ZNRF1: variants seen among roughly 807,000 people sequenced by gnomAD.
ZNRF1 encodes zinc and ring finger 1, also known as E3 ubiquitin-protein ligase ZNRF1.
Under a neutral mutation model 18.4 loss-of-function variants are expected in ZNRF1, and 3 were observed. The ratio of observed to expected loss-of-function variants is 0.16; its 90% confidence interval spans 0.07 to 0.42. The LOEUF (loss-of-function observed/expected upper bound fraction) is 0.42. ZNRF1 is among the 10% of genes least tolerant of loss of function. ZNRF1 has a pLI of 0.99. For synonymous variants in ZNRF1, 157 were observed against 144.2 expected (o/e 1.09, Z -0.64); for missense variants, 310 against 329.8 (o/e 0.94, Z 0.47).
chr16:75,046,343 C>G (rs1224511946), intron 1 of ZNRF1, among the ~76,000 whole-genome samples: 1 of 152,062 alleles, frequency 6.6e-6, no homozygotes. Flanking sequence ...CCTCTGCCTC[C>G]TGGGTTCAAG....
chr16:75,090,396 T>C (rs966396409), intron 1 of ZNRF1, among the ~76,000 whole-genome samples: 1 of 152,210 alleles, frequency 6.6e-6, no homozygotes, highest in Non-Finnish European at 1.5e-5. Context: ...TGTGTCCTTT[T>C]TGTGGAGAAC....
chr16:75,034,852 C>T lies in ZNRF1; in HGVS notation c.424+34757C>T, dbSNP rs569108735. Among the ~76,000 whole-genome samples, 12 of 152,120 alleles carry T rather than the reference C, an allele frequency of 7.9e-5. No individual in the cohort carries two copies. The South Asian group carries it at 2.5e-3, about 32-fold the overall frequency. On this transcript the variant is annotated intron_variant, in intron 1 of 4. Coordinates refer to ENST00000335325, the MANE Select transcript of ZNRF1 (RefSeq NM_032268.5). ...ACGTTGCCCAGGCTGGTCTCAAACT[C>T]CTGGCCTCAAGTGATCCACCAGCCT...
chr16:75,001,226 C>T (rs1350693932), intron 1 of ZNRF1, among the ~76,000 whole-genome samples: 1 of 152,148 alleles, frequency 6.6e-6, no homozygotes, highest in Non-Finnish European at 1.5e-5. Context: ...TGTTGGATCA[C>T]TCTTTTAACT....
At chr16:75,027,441 TCTTAC>T (rs1247207252) in intron 1 of ZNRF1, among the ~76,000 whole-genome samples, 1 of 152,202 alleles carries the variant, frequency 6.6e-6, no homozygotes, top group African/African-American at 2.4e-5. Context: ...GAGTAGATTT[TCTTAC>T]CTTGTCAGCC....
intron 3 of ZNRF1, 174 bp downstream of exon 3, chr16:75,105,063 G>T: frequency 3.5e-6 from 2 of 570,484 alleles, no homozygotes; most frequent in Non-Finnish European, 6.3e-6. Context: ...GCGGGAAGGT[G>T]CGAGCATCCC....
At chr16:75,055,622 G>C (rs551545116) in intron 1 of ZNRF1, among the ~76,000 whole-genome samples, 3 of 152,290 alleles carry the variant, frequency 2.0e-5, no homozygotes, top group African/African-American at 7.2e-5. Flanking sequence ...CACACCAGCT[G>C]CCTGCCTGGA....
chr16:75,040,979 A>G (rs1196290885), intron 1 of ZNRF1, among the ~76,000 whole-genome samples: 1 of 152,056 alleles, frequency 6.6e-6, no homozygotes, highest in Non-Finnish European at 1.5e-5. Flanking sequence ...GGTAGTTTTT[A>G]TTGCTAAATA....
chr16:75,084,282 A>G (rs1021221916), intron 1 of ZNRF1: 1 of 152,290 alleles, frequency 6.6e-6, no homozygotes, highest in Non-Finnish European at 1.5e-5. Context: ...TTTGGTGAAC[A>G]GCATTGATGA....
chr16:75,090,910 T>G (rs764321291), intron 1 of ZNRF1, among the ~76,000 whole-genome samples: 3 of 152,174 alleles, frequency 2.0e-5, no homozygotes, highest in Non-Finnish European at 2.9e-5. Flanking sequence ...AAATAAAAAT[T>G]TAATTTTAAT....
intron 1 of ZNRF1, among the ~76,000 whole-genome samples, chr16:75,002,554 T>A (rs2034865009): frequency 6.6e-6 from 1 of 152,220 alleles, no homozygotes; most frequent in Admixed American, 6.5e-5. Context: ...GTTCAGTGTA[T>A]ACAAGGCCTT....
rs1238529323 is a variant in ZNRF1, at chr16:75,107,808, A to G, written c.*108A>G. 4.4e-6 allele frequency: 2 copies of G among 456,474 alleles called. No homozygotes were observed. The highest frequency in any genetic ancestry group is 2.3e-5 in the Admixed American group (1 of 42,566). The allele number at this position is 456,474 out of a possible 1,614,324, so 28.3% of individuals were successfully genotyped here. On this transcript the variant is annotated 3_prime_UTR_variant, in exon 5 of 5. Coordinates refer to ENST00000335325, the MANE Select transcript of ZNRF1 (RefSeq NM_032268.5). Reference sequence around the variant, plus strand: ...AGCTGAGCTTGGGACACCAGCGGGAACAGGGCACCCCTTCTGCACTGACTT... The same window carrying G: ...AGCTGAGCTTGGGACACCAGCGGGAGCAGGGCACCCCTTCTGCACTGACTT...
At chr16:75,058,491 CAG>C (rs1160785298) in intron 1 of ZNRF1, among the ~76,000 whole-genome samples, 1 of 152,164 alleles carries the variant, frequency 6.6e-6, no homozygotes, top group East Asian at 1.9e-4. Context: ...AGGAGAATAA[CAG>C]AGTAGCCAAG....
chr16:75,018,231 T>C (rs1457363644), intron 1 of ZNRF1, among the ~76,000 whole-genome samples: 1 of 152,224 alleles, frequency 6.6e-6, no homozygotes, highest in Non-Finnish European at 1.5e-5. Context: ...GGATACCCTA[T>C]AGTTTTGGTC....
chr16:75,025,660 C>T (rs540286961), intron 1 of ZNRF1, among the ~76,000 whole-genome samples: 69 of 152,206 alleles, frequency 4.5e-4, no homozygotes, highest in Non-Finnish European at 8.5e-4. Flanking sequence ...CTGCAGAGGA[C>T]ATTTCGTAAG....
At position 74,999,677 on chromosome 16, in the gene ZNRF1, G is replaced by A; in HGVS notation, c.6G>A (p.Gly2=). The change falls in exon 1 of 5, where the codon GGG becomes GGA. Residue 2 remains glycine (G), a synonymous_variant. Coordinates refer to ENST00000335325, the MANE Select transcript of ZNRF1 (RefSeq NM_032268.5). ...CCACCGGGGCCCGGGCGAGCATGGG[G>A]GGCAAGCAGAGCACGGCGGCCCGCT... M[G]GKQSTAARSR... is the part of the protein sequence containing the mutation. The A allele has an allele frequency of 3.7e-6, 5 of 1,347,006 alleles. No individual in the cohort carries two copies. Among genetic ancestry groups the A allele is most frequent in the African/African-American group, 1.5e-5 (1 of 64,894 alleles). The allele number at this position is 1,347,006 out of a possible 1,614,324, so 83.4% of individuals were successfully genotyped here.
intron 1 of ZNRF1, among the ~76,000 whole-genome samples, chr16:75,027,910 C>T (rs1033768974): frequency 6.6e-6 from 1 of 152,180 alleles, no homozygotes; most frequent in Non-Finnish European, 1.5e-5. Flanking sequence ...ATACTTTCTC[C>T]TCTCTTTTAA....
intron 1 of ZNRF1, among the ~76,000 whole-genome samples, chr16:75,064,401 C>G (rs372043112): frequency 6.6e-6 from 1 of 151,616 alleles, no homozygotes; most frequent in African/African-American, 2.4e-5. Context: ...ACTAAAAATA[C>G]AAAAATTAGC....
At chr16:75,086,463 T>G (rs2036075301) in intron 1 of ZNRF1, among the ~76,000 whole-genome samples, 1 of 152,188 alleles carries the variant, frequency 6.6e-6, no homozygotes. Flanking sequence ...GTCAAGGATG[T>G]TCTCTAGGAG....
At chr16:75,047,652 A>C (rs2035533370) in intron 1 of ZNRF1, among the ~76,000 whole-genome samples, 1 of 152,028 alleles carries the variant, frequency 6.6e-6, no homozygotes, top group South Asian at 2.1e-4. Flanking sequence ...GTTAGTTATT[A>C]CCATTTGTAG....
Sources: gnomAD v4.1 joint callset for allele counts (sites outside exome capture counted in the v4.1 genomes callset) on GRCh38, gnomAD v4.1.1 for gene constraint, MANE v1.5 for transcripts, NCBI Gene and HGNC (gene_info 2026-07-23, HGNC 2026-07-21) for gene names.